The following NEDD4 variants were observed in gnomAD, a reference collection of about 807,000 sequenced individuals.
NEDD4 encodes the protein NEDD4 E3 ubiquitin protein ligase.
Under a neutral mutation model 144.9 loss-of-function variants are expected in NEDD4, and 99 were observed. The ratio of observed to expected loss-of-function variants is 0.68; its 90% CI spans 0.58 to 0.81. NEDD4 has a LOEUF of 0.81. NEDD4 is among the 30% of genes least tolerant of loss of function. The pLI is 0.00. For missense variants in NEDD4, 985 were observed against 1,065.9 expected, an observed-to-expected ratio of 0.92 and a Z score of 1.06; for synonymous variants, 318 against 350.6, an observed-to-expected ratio of 0.91 and a Z score of 1.04.
chr15:55,913,166 A>G (rs1367672506), intron 5 of NEDD4, among the ~76,000 whole-genome samples: 1 of 152,136 alleles, frequency 6.6e-6, no homozygotes. Flanking sequence ...CTCAGTACAG[A>G]TAGCTGACAT....
chr15:55,993,000 G>T (rs1388419511), intron 1 of NEDD4, among the ~76,000 whole-genome samples: 1 of 152,124 alleles, frequency 6.6e-6, no homozygotes, highest in Non-Finnish European at 1.5e-5. Context: ...GATTAAAAAG[G>T]ATTTCAGATA....
intron 5 of NEDD4, among the ~76,000 whole-genome samples, chr15:55,884,185 G>C (rs1194860818): frequency 6.6e-6 from 1 of 152,048 alleles, no homozygotes; most frequent in African/African-American, 2.4e-5. Flanking sequence ...TGGTCCCAAG[G>C]TGGTACTTCT....
chr15:55,839,997 AAAATATATATATATATATATATATAT>A (rs2033413491), intron 21 of NEDD4, among the ~76,000 whole-genome samples: 2 of 23,712 alleles, frequency 8.4e-5, no homozygotes, highest in African/African-American at 1.4e-4. Flanking sequence ...AAAAAAAAAA[AAAATATATATATATATATATATATAT>A]ATATATATAT....
chr15:55,916,323 C>A (rs2036441674), intron 5 of NEDD4: 1 of 1,613,852 alleles, frequency 6.2e-7, no homozygotes, highest in African/African-American at 1.3e-5. Flanking sequence ...TGCACATGAC[C>A]CAAAATCACT....
intron 1 of NEDD4, among the ~76,000 whole-genome samples, chr15:55,975,193 G>A (rs1464113669): frequency 2.6e-5 from 4 of 151,794 alleles, no homozygotes; most frequent in Admixed American, 1.3e-4. Context: ...GTGCCCGGCC[G>A]CCCACTTTTA....
chr15:55,919,321 C>T (rs908413612), intron 5 of NEDD4, among the ~76,000 whole-genome samples: 7 of 152,066 alleles, frequency 4.6e-5, no homozygotes, highest in African/African-American at 1.7e-4. Context: ...TTGATCCAGC[C>T]GCCACTTTTA....
At chr15:55,904,705 T>C (rs2036029023) in intron 5 of NEDD4, among the ~76,000 whole-genome samples, 1 of 152,182 alleles carries the variant, frequency 6.6e-6, no homozygotes, top group South Asian at 2.1e-4. Flanking sequence ...AGTTGAGAAA[T>C]ACGTTAAGGA....
At chr15:55,993,471 C>T (rs779067969) in intron 1 of NEDD4, 40 bp downstream of exon 1, 3 of 1,591,658 alleles carry the variant, frequency 1.9e-6, no homozygotes, top group Non-Finnish European at 1.7e-6. Context: ...GCTGAATAAC[C>T]CGAAGGGAAG....
chr15:55,992,746 G>C (rs553811568), intron 1 of NEDD4, among the ~76,000 whole-genome samples: 1 of 152,302 alleles, frequency 6.6e-6, no homozygotes, highest in East Asian at 1.9e-4. Context: ...GGCATAATCA[G>C]CATTAGTTAT....
At chr15:55,900,062 A>G (rs1595817083) in intron 5 of NEDD4, among the ~76,000 whole-genome samples, 1 of 144,706 alleles carries the variant, frequency 6.9e-6, no homozygotes, top group Non-Finnish European at 1.5e-5. Context: ...CAGAATCATG[A>G]CTCCACTTTT....
chr15:55,848,612 G>C (rs1334031674), intron 15 of NEDD4, 37 bp from the exon 16 acceptor site: 2 of 1,568,990 alleles, frequency 1.3e-6, no homozygotes, highest in Non-Finnish European at 1.8e-6. Context: ...TTTTAGGAGA[G>C]GGGCGTAGAT....
At position 55,963,128 on chromosome 15, in the gene NEDD4, C is replaced by CTTTTTT. The variant is rs754905603; in HGVS notation, c.119+3339_119+3344dup. On this transcript the variant is annotated intron_variant, in intron 2 of 28. Coordinates refer to ENST00000435532, the MANE Select transcript of NEDD4 (RefSeq NM_006154.4). The stretch of plus-strand genomic sequence containing the variant: ...CATTTGCTTCTCCTTTTCTGGCACT[C>CTTTTTT]TTTTTTATTTTTTTTTTTTTTGAGA... Among the ~76,000 whole-genome samples, 415 of 142,480 alleles carry CTTTTTT rather than the reference C, an allele frequency of 2.9e-3. 2 individuals carry two copies. The highest frequency in any genetic ancestry group is 5.7e-3 in the East Asian group (26 of 4,558). 93.5% of individuals were successfully genotyped at this position (142,480 alleles called of 152,430 possible). A position where few individuals can be genotyped will look rare whatever the true frequency, so the allele number is the denominator to read the frequency against.
At chr15:55,856,905 G>A (rs1276739612) in intron 11 of NEDD4, among the ~76,000 whole-genome samples, 1 of 152,104 alleles carries the variant, frequency 6.6e-6, no homozygotes, top group South Asian at 2.1e-4. Context: ...AATTGAATCA[G>A]AATATCCACT....
At chr15:55,945,841 G>A (rs1297833137) in intron 4 of NEDD4, among the ~76,000 whole-genome samples, 6 of 152,102 alleles carry the variant, frequency 3.9e-5, no homozygotes, top group African/African-American at 1.2e-4. Flanking sequence ...CCAGAAGACA[G>A]TGGGGGCCAA....
chr15:55,935,138 G>T (rs1437698703), intron 4 of NEDD4, among the ~76,000 whole-genome samples: 1 of 152,028 alleles, frequency 6.6e-6, no homozygotes, highest in Non-Finnish European at 1.5e-5. Flanking sequence ...AAAGTAGTGG[G>T]ATTACAGGCA....
intron 2 of NEDD4, among the ~76,000 whole-genome samples, chr15:55,964,014 T>G (rs1218531494): frequency 6.6e-6 from 1 of 152,180 alleles, no homozygotes; most frequent in Non-Finnish European, 1.5e-5. Context: ...AAGTGTCATA[T>G]TTTTCTCTTT....
intron 13 of NEDD4, 120 bp downstream of exon 13, chr15:55,852,304 A>T (rs1595749479): frequency 3.5e-5 from 13 of 374,140 alleles, no homozygotes; most frequent in East Asian, 2.6e-4. Flanking sequence ...TCAAAAAAAT[A>T]AAAAAAAAAA....
chr15:55,872,071 C>T (rs369182977), intron 7 of NEDD4, among the ~76,000 whole-genome samples: 18 of 151,844 alleles, frequency 1.2e-4, no homozygotes, highest in South Asian at 4.2e-4. Context: ...TTGTGCACGT[C>T]GAGTTAGGTA....
intron 1 of NEDD4, chr15:55,987,945 T>G (rs1407729545): frequency 3.5e-5 from 5 of 141,758 alleles, no homozygotes; most frequent in Non-Finnish European, 7.6e-5. Context: ...AGGATTGACT[T>G]GGCGATGCGG....
Sources: allele counts gnomAD v4.1 joint callset (sites outside exome capture counted in the v4.1 genomes callset), GRCh38; gene constraint gnomAD v4.1.1; transcripts MANE v1.5; gene names NCBI Gene and HGNC (gene_info 2026-07-23, HGNC 2026-07-21).